Variants in NXPE1 observed in about 807,000 individuals in gnomAD.
The protein encoded by NXPE1 is NXPE family member 1.
A neutral mutation model predicts 33.3 loss-of-function variants in NXPE1; 31 were observed. The ratio of observed to expected loss-of-function variants is 0.93; its 90% CI spans 0.70 to 1.26. The LOEUF (loss-of-function observed/expected upper bound fraction) is 1.26. NXPE1 is among the 50% of genes most tolerant of loss of function. NXPE1 has a pLI of 0.00. For missense variants in NXPE1, 661 were observed against 655.6 expected, an observed-to-expected ratio of 1.01 and a Z score of -0.09; for synonymous variants, 229 against 231.4, an observed-to-expected ratio of 0.99 and a Z score of 0.09.
chr11:114,521,929 A>C (rs1460563188), exon 9 of NXPE1: 12 of 1,395,830 alleles, frequency 8.6e-6, no homozygotes, highest in Admixed American at 1.9e-5. Flanking sequence ...GATTATGTGC[A>C]GAGATTGGTT....
chr11:114,530,094 C>T (rs938158715), intron 6 of NXPE1, 81 bp downstream of exon 6: 38 of 1,399,678 alleles, frequency 2.7e-5, no homozygotes, highest in Non-Finnish European at 3.4e-5. Flanking sequence ...GAGTCATGCT[C>T]AATGTTGCAA....
At chr11:114,530,522 G>T in exon 6 of NXPE1, 1 of 1,613,942 alleles carries the variant, frequency 6.2e-7, no homozygotes, top group Non-Finnish European at 8.5e-7. Context: ...CCAGGTAGGT[G>T]CCATTGTTGA....
chr11:114,553,697 A>C (rs537756851), intron 1 of NXPE1: 2 of 984,190 alleles, frequency 2.0e-6, no homozygotes, highest in African/African-American at 3.5e-5. Flanking sequence ...CCTAGATTCT[A>C]CTCCTTAGCT....
At chr11:114,522,293 T>C in exon 9 of NXPE1, 1 of 1,614,118 alleles carries the variant, frequency 6.2e-7, no homozygotes, top group Non-Finnish European at 8.5e-7. Flanking sequence ...TCTAAAGTGC[T>C]GGCCAAAGGT....
intron 6 of NXPE1, chr11:114,528,840 G>A: frequency 3.0e-6 from 2 of 676,892 alleles, no homozygotes; most frequent in Non-Finnish European, 2.7e-6. Context: ...ATCCTGAGAA[G>A]AGAAAGGATC....
chr11:114,540,235 T>C (rs1290980416), intron 5 of NXPE1, among the ~76,000 whole-genome samples: 2 of 152,150 alleles, frequency 1.3e-5, no homozygotes, highest in Non-Finnish European at 2.9e-5. Flanking sequence ...GGGATTACGG[T>C]GTGAGCCACC....
chr11:114,540,885 T>TTTTTTG lies in NXPE1; in HGVS notation c.100-9978_100-9977insCAAAAA, dbSNP rs754802719. On this transcript the variant is annotated intron_variant, in intron 5 of 8. Coordinates refer to ENST00000534921, the Ensembl canonical transcript of NXPE1. ...TTTTTTTTTTTTTTTTTTTTTTTTT[T>TTTTTTG]GGCTTGAACAACCTGAGAGCAGAGT... 3.9e-4 allele frequency among the ~76,000 whole-genome samples: 32 copies of TTTTTTG among 81,288 alleles called. 6 individuals carry two copies. The highest frequency in any genetic ancestry group is 1.2e-3 in the South Asian group (3 of 2,526). The allele number at this position is 81,288 out of a possible 152,430, so 53.3% of individuals were successfully genotyped here. A position where few individuals can be genotyped will look rare whatever the true frequency, so the allele number is the denominator to read the frequency against.
At chr11:114,527,734 T>C in intron 7 of NXPE1, 106 bp downstream of exon 7, 1 of 664,280 alleles carries the variant, frequency 1.5e-6, no homozygotes. Flanking sequence ...ATTGACATCA[T>C]AGACATCTGC....
At chr11:114,523,066 G>A (rs778296739) in exon 8 of NXPE1, 2 of 1,613,212 alleles carry the variant, frequency 1.2e-6, no homozygotes, top group East Asian at 4.5e-5. Flanking sequence ...TTCCAACTTG[G>A]CATGTCTCTT....
intron 5 of NXPE1, among the ~76,000 whole-genome samples, chr11:114,545,246 A>G (rs1348089742): frequency 6.6e-6 from 1 of 152,226 alleles, no homozygotes; most frequent in Non-Finnish European, 1.5e-5. Context: ...GCTTATGTCC[A>G]CACAAATACC....
At chr11:114,520,492 C>A (rs769601843), downstream of NXPE1, among the ~76,000 whole-genome samples, 3 of 152,192 alleles carry the variant, frequency 2.0e-5, no homozygotes, top group South Asian at 4.1e-4. Context: ...ATATATACTG[C>A]AAATTATTTA....
intron 5 of NXPE1, among the ~76,000 whole-genome samples, chr11:114,535,601 A>G (rs1005623973): frequency 6.6e-6 from 1 of 152,210 alleles, no homozygotes; most frequent in Admixed American, 6.5e-5. Flanking sequence ...TACCAAGCAA[A>G]TGGAAAACAA....
chr11:114,554,394 C>T (rs1948601363), intron 1 of NXPE1: 1 of 984,956 alleles, frequency 1.0e-6, no homozygotes, highest in African/African-American at 1.7e-5. Flanking sequence ...GAGGTGATGA[C>T]AATATTCCAG....
intron 5 of NXPE1, 90 bp downstream of exon 5, chr11:114,551,013 G>A: frequency 1.5e-6 from 1 of 680,746 alleles, no homozygotes; most frequent in South Asian, 1.7e-5. Flanking sequence ...GGGGAGGAGG[G>A]GCAGGACTAA....
chr11:114,542,111 A>G (rs1396397414), intron 5 of NXPE1, among the ~76,000 whole-genome samples: 1 of 152,126 alleles, frequency 6.6e-6, no homozygotes, highest in African/African-American at 2.4e-5. Flanking sequence ...TATGATTATT[A>G]TATCTGCTTT....
At chr11:114,547,865 T>C (rs76219398) in intron 5 of NXPE1, among the ~76,000 whole-genome samples, 3,181 of 152,302 alleles carry the variant, frequency 0.021, 118 homozygotes, top group African/African-American at 0.073. Context: ...TATGGTTTTA[T>C]TGGTTATGCT....
rs1158789806 is a variant in NXPE1 at position 114,557,833 on chromosome 11, TA to T, written c.-211+1964del. Among the ~76,000 whole-genome samples the T allele has an allele frequency of 1.9e-4, 29 of 151,970 alleles. No homozygotes were observed. The East Asian group carries it at 5.4e-3, about 28-fold the overall frequency. Reference sequence around the variant, plus strand: ...GTGACAAATTCTCAAGGTTACATTTTAAAAAATCTTATTTTGCTTTCATTTT... The same window carrying T: ...GTGACAAATTCTCAAGGTTACATTTTAAAAATCTTATTTTGCTTTCATTTT... On this transcript the variant is annotated intron_variant, in intron 1 of 8. Coordinates refer to ENST00000534921, the Ensembl canonical transcript of NXPE1.
chr11:114,542,689 G>T lies in NXPE1; in HGVS notation c.99+8414C>A, dbSNP rs553125221. 9.2e-5 allele frequency among the ~76,000 whole-genome samples: 14 copies of T among 152,080 alleles called. 1 individual carries two copies. The South Asian group carries it at 2.9e-3, about 32-fold the overall frequency. ...GAAAAGGGAGAGTTGGGGCAAAAGA[G>T]GTTTATAGTTACTTTCAATATTGCT... is the stretch of plus-strand genomic sequence containing the variant. On this transcript the variant is annotated intron_variant, in intron 5 of 8. Coordinates refer to ENST00000534921, the Ensembl canonical transcript of NXPE1.
chr11:114,549,159 C>T (rs1328017541), intron 5 of NXPE1, among the ~76,000 whole-genome samples: 2 of 151,616 alleles, frequency 1.3e-5, no homozygotes, highest in African/African-American at 2.4e-5. Context: ...TGCACAAAGC[C>T]AGGCTGATGG....
Sources: gnomAD v4.1 joint callset for allele counts (sites outside exome capture counted in the v4.1 genomes callset) on GRCh38, gnomAD v4.1.1 for gene constraint, MANE v1.5 for transcripts, NCBI Gene and HGNC (gene_info 2026-07-23, HGNC 2026-07-21) for gene names.